The following COP1 variants were observed in gnomAD, a reference collection of about 807,000 sequenced individuals.
COP1 encodes the protein COP1 E3 ubiquitin ligase, also known as E3 ubiquitin-protein ligase COP1.
Under a neutral mutation model 101.3 loss-of-function variants are expected in COP1, and 24 were observed. The ratio of observed to expected loss-of-function variants is 0.24; its 90% CI spans 0.17 to 0.33. The LOEUF (loss-of-function observed/expected upper bound fraction) is 0.33, where lower values mean the gene tolerates loss of function less well. Ranked by LOEUF, COP1 falls within the 10% of genes least tolerant of loss-of-function variation. COP1 has a pLI of 1.00. For missense variants in COP1, 663 were observed against 906.2 expected (o/e 0.73, Z 3.45); for synonymous variants, 347 against 341.9 (o/e 1.01, Z -0.17).
chr1:176,157,193 CA>C (rs1354777160), intron 5 of COP1, among the ~76,000 whole-genome samples: 1 of 151,714 alleles, frequency 6.6e-6, no homozygotes, highest in Non-Finnish European at 1.5e-5. Flanking sequence ...GACTCCATCT[CA>C]AAAAAATAAT....
chr1:176,101,712 T>C (rs1208901095), intron 9 of COP1, among the ~76,000 whole-genome samples: 1 of 152,194 alleles, frequency 6.6e-6, no homozygotes, highest in African/African-American at 2.4e-5. Flanking sequence ...CTTATTTTGT[T>C]TTGATACATG....
chr1:176,144,985 C>T (rs116806464), intron 6 of COP1, among the ~76,000 whole-genome samples: 1 of 152,138 alleles, frequency 6.6e-6, no homozygotes, highest in Non-Finnish European at 1.5e-5. Flanking sequence ...ACAAAACACA[C>T]TAAGTATAAC....
At chr1:176,200,734 GA>G (rs1700182738) in intron 1 of COP1, among the ~76,000 whole-genome samples, 1 of 151,696 alleles carries the variant, frequency 6.6e-6, no homozygotes, top group African/African-American at 2.4e-5. Context: ...TATTGTTTGA[GA>G]AAGTACCAAC....
At chr1:176,072,441 A>G (rs926231791) in intron 11 of COP1, among the ~76,000 whole-genome samples, 2 of 152,342 alleles carry the variant, frequency 1.3e-5, no homozygotes, top group East Asian at 3.9e-4. Context: ...AACTGCTTTA[A>G]AAGACTGATC....
At chr1:175,947,045 C>CT (rs1347528487) in intron 19 of COP1, 150 bp downstream of exon 19, 2 of 659,072 alleles carry the variant, frequency 3.0e-6, no homozygotes, top group Non-Finnish European at 5.5e-6. Flanking sequence ...GCTACCTATT[C>CT]TTTTCCCTTA....
At chr1:176,166,782 C>G (rs1210806977) in intron 3 of COP1, among the ~76,000 whole-genome samples, 1 of 151,894 alleles carries the variant, frequency 6.6e-6, no homozygotes, top group East Asian at 1.9e-4. Context: ...CAAAAAAATA[C>G]AAAACTTTCC....
Position 176,206,499 on chromosome 1 carries a change from A to AC in COP1, c.407+72dup, listed in dbSNP as rs1201831625. On this transcript the variant is annotated intron_variant, in intron 1 of 19. Coordinates refer to ENST00000367669, the MANE Select transcript of COP1 (RefSeq NM_022457.7). ...CTCCAACAAGCCACCCCCACACCAG[A>AC]CCCCCCGCCCCCAAGCCTAAGCGGC... The AC allele has an allele frequency of 5.0e-6, 7 of 1,389,070 alleles. 1 individual carries two copies. Among genetic ancestry groups the AC allele is most frequent in the East Asian group, 2.6e-5 (1 of 38,286 alleles). 86.0% of individuals were successfully genotyped at this position (1,389,070 alleles called of 1,614,324 possible). A position where few individuals can be genotyped will look rare whatever the true frequency, so the allele number is the denominator to read the frequency against.
At chr1:176,105,723 A>G (rs1465746695) in intron 9 of COP1, among the ~76,000 whole-genome samples, 1 of 152,200 alleles carries the variant, frequency 6.6e-6, no homozygotes, top group Non-Finnish European at 1.5e-5. Context: ...TGTAATCATG[A>G]GTCAGGGAGT....
intron 12 of COP1, 104 bp from the exon 13 acceptor site, chr1:176,043,922 C>A (rs1275280708): frequency 1.4e-6 from 1 of 709,156 alleles, no homozygotes; most frequent in Non-Finnish European, 2.5e-6. Flanking sequence ...TTAAAATGGT[C>A]TCTATCAGTT....
intron 15 of COP1, among the ~76,000 whole-genome samples, chr1:176,026,011 A>G (rs1055188122): frequency 1.3e-4 from 20 of 152,210 alleles, no homozygotes; most frequent in African/African-American, 4.3e-4. Flanking sequence ...AGAAAGTCTG[A>G]TAAGAATCCC....
At chr1:176,093,632 G>A (rs900632840) in intron 9 of COP1, among the ~76,000 whole-genome samples, 1 of 152,142 alleles carries the variant, frequency 6.6e-6, no homozygotes, top group East Asian at 1.9e-4. Context: ...GAGGTCAGGA[G>A]ATCAAGACCA....
At chr1:176,109,389 C>T (rs918498014) in intron 9 of COP1, among the ~76,000 whole-genome samples, 20 of 152,122 alleles carry the variant, frequency 1.3e-4, no homozygotes, top group African/African-American at 3.1e-4. Flanking sequence ...TTAATCTCTC[C>T]TTTCACCACT....
chr1:176,044,924 T>C (rs957530591), intron 12 of COP1, among the ~76,000 whole-genome samples: 1 of 152,204 alleles, frequency 6.6e-6, no homozygotes, highest in African/African-American at 2.4e-5. Context: ...ATATTATGAG[T>C]ACTTGCCATG....
intron 18 of COP1, among the ~76,000 whole-genome samples, chr1:175,970,051 G>A (rs1652934431): frequency 6.6e-6 from 1 of 152,068 alleles, no homozygotes; most frequent in South Asian, 2.1e-4. Flanking sequence ...CTCTTTCCTA[G>A]AAAACTAAGT....
At chr1:175,999,770 T>C (rs114464023) in intron 15 of COP1, among the ~76,000 whole-genome samples, 1,768 of 152,194 alleles carry the variant, frequency 0.012, 31 homozygotes, top group African/African-American at 0.04. Context: ...TCACCAGCAT[T>C]TGTTTACTGC....
intron 9 of COP1, among the ~76,000 whole-genome samples, chr1:176,112,520 A>G (rs58743849): frequency 0.059 from 9,008 of 152,238 alleles, 602 homozygotes; most frequent in African/African-American, 0.16. Context: ...AATTAGGGTA[A>G]CTGGTATTTC....
chr1:176,087,861 T>C (rs1172871662), intron 9 of COP1, among the ~76,000 whole-genome samples: 9 of 152,084 alleles, frequency 5.9e-5, no homozygotes, highest in Non-Finnish European at 1.0e-4. Flanking sequence ...AACTCAAATG[T>C]CCATCAATGA....
chr1:176,190,863 CTT>C (rs1699044786), intron 1 of COP1, among the ~76,000 whole-genome samples: 1 of 151,818 alleles, frequency 6.6e-6, no homozygotes, highest in African/African-American at 2.4e-5. Context: ...TGTCAACTGT[CTT>C]ATAGTAGTAC....
intron 8 of COP1, among the ~76,000 whole-genome samples, chr1:176,131,720 A>G (rs1253398882): frequency 6.7e-6 from 1 of 149,900 alleles, no homozygotes; most frequent in Non-Finnish European, 1.5e-5. Flanking sequence ...ATTATAAAAG[A>G]TAATATTTGT....
Sources: gnomAD v4.1 joint callset for allele counts (sites outside exome capture counted in the v4.1 genomes callset) on GRCh38, gnomAD v4.1.1 for gene constraint, MANE v1.5 for transcripts, NCBI Gene and HGNC (gene_info 2026-07-23, HGNC 2026-07-21) for gene names.